The following RPH3A variants were observed in gnomAD, a reference collection of about 807,000 sequenced individuals.
The protein encoded by RPH3A is rabphilin 3A.
A neutral mutation model predicts 102.2 loss-of-function variants in RPH3A; 48 were observed. The ratio of observed to expected loss-of-function variants is 0.47; its 90% CI spans 0.37 to 0.60. The LOEUF is 0.60. RPH3A is among the 20% of genes least tolerant of loss of function. The pLI is 0.00. For missense variants in RPH3A, 781 were observed against 910.1 expected, an observed-to-expected ratio of 0.86 and a Z score of 1.83; for synonymous variants, 310 against 324.3, an observed-to-expected ratio of 0.96 and a Z score of 0.47.
At chr12:112,673,010 C>T (rs1267097201) in intron 1 of RPH3A, among the ~76,000 whole-genome samples, 1 of 152,042 alleles carries the variant, frequency 6.6e-6, no homozygotes, top group Non-Finnish European at 1.5e-5. Context: ...GTATGTCCTA[C>T]ACCAGGTCCT....
In RPH3A at chr12:112,604,948, C is replaced by T. The variant is rs540743563; in HGVS notation, c.-140+29629C>T. On this transcript the variant is annotated intron_variant, in intron 1 of 21. Transcript: ENST00000543106. ...AAGATGGAAACCTTCCGTGACCTAG[C>T]GTCTGAAGTTGTGTATTGTTAATTC... 1.2e-4 allele frequency among the ~76,000 whole-genome samples: 18 copies of T among 152,302 alleles called. No individual in the cohort carries two copies. In the South Asian group the frequency reaches 1.9e-3, roughly 16 times the overall value.
chr12:112,621,515 C>A (rs1378937727), intron 1 of RPH3A, among the ~76,000 whole-genome samples: 1 of 147,054 alleles, frequency 6.8e-6, no homozygotes, highest in African/African-American at 2.6e-5. Flanking sequence ...TAAAAAACGG[C>A]GCACCACGAG....
intron 2 of RPH3A, among the ~76,000 whole-genome samples, chr12:112,817,761 T>C (rs1723185478): frequency 6.6e-6 from 1 of 152,128 alleles, no homozygotes; most frequent in Admixed American, 6.5e-5. Flanking sequence ...CAGCGGGCCT[T>C]AGTGGGGATG....
chr12:112,654,296 A>G (rs2039995745), intron 1 of RPH3A, among the ~76,000 whole-genome samples: 1 of 152,164 alleles, frequency 6.6e-6, no homozygotes, highest in African/African-American at 2.4e-5. Context: ...ATTGCTTTCA[A>G]ACTCTTTAAG....
chr12:112,836,107 GC>G (rs1395541697), intron 3 of RPH3A, among the ~76,000 whole-genome samples: 1 of 152,186 alleles, frequency 6.6e-6, no homozygotes, highest in Non-Finnish European at 1.5e-5. Flanking sequence ...ACTGTTCAGG[GC>G]CGATTGCTCT....
At chr12:112,854,896 C>T (rs1211834105) in intron 5 of RPH3A, among the ~76,000 whole-genome samples, 1 of 152,200 alleles carries the variant, frequency 6.6e-6, no homozygotes, top group African/African-American at 2.4e-5. Context: ...TTCGGGGATT[C>T]AGAGAAGTCA....
At chr12:112,727,835 G>C (rs1019139485) in intron 1 of RPH3A, among the ~76,000 whole-genome samples, 3 of 152,126 alleles carry the variant, frequency 2.0e-5, no homozygotes, top group African/African-American at 7.2e-5. Context: ...GCCAGTTTGA[G>C]CAGGGTTCTT....
chr12:112,698,143 C>T (rs1035352685), intron 1 of RPH3A, among the ~76,000 whole-genome samples: 1 of 152,162 alleles, frequency 6.6e-6, no homozygotes, highest in African/African-American at 2.4e-5. Context: ...GGTGCCAAGA[C>T]AGTCCAATGA....
At chr12:112,642,910 T>A (rs966413250) in intron 1 of RPH3A, among the ~76,000 whole-genome samples, 3 of 152,192 alleles carry the variant, frequency 2.0e-5, no homozygotes, top group African/African-American at 7.2e-5. Flanking sequence ...CTGGAGATAC[T>A]TTTTGGTTGT....
intron 1 of RPH3A, among the ~76,000 whole-genome samples, chr12:112,651,456 A>G (rs1382930955): frequency 6.6e-6 from 1 of 152,124 alleles, no homozygotes; most frequent in African/African-American, 2.4e-5. Context: ...AAACCATTCA[A>G]CATTTTAAAA....
intron 1 of RPH3A, among the ~76,000 whole-genome samples, chr12:112,640,017 G>C (rs1250573233): frequency 6.6e-6 from 1 of 151,922 alleles, no homozygotes; most frequent in African/African-American, 2.4e-5. Context: ...GTGGAGCCGG[G>C]GTTCAAAGCA....
chr12:112,619,783 G>A (rs76766430), intron 1 of RPH3A, among the ~76,000 whole-genome samples: 6,883 of 151,972 alleles, frequency 0.045, 472 homozygotes, highest in African/African-American at 0.16. Context: ...AATAAACATG[G>A]ACATATTTCC....
At chr12:112,741,536 G>A (rs1289884736) in intron 1 of RPH3A, among the ~76,000 whole-genome samples, 2 of 152,116 alleles carry the variant, frequency 1.3e-5, no homozygotes, top group Non-Finnish European at 2.9e-5. Context: ...GTGAGCTTTC[G>A]ACCCCCATGT....
chr12:112,877,369 C>T (rs186140200), intron 13 of RPH3A, among the ~76,000 whole-genome samples: 1 of 150,374 alleles, frequency 6.7e-6, no homozygotes, highest in African/African-American at 2.5e-5. Context: ...CTATCCCACC[C>T]AGGCCCCAAG....
chr12:112,723,128 G>A (rs1243793073), intron 1 of RPH3A, among the ~76,000 whole-genome samples: 1 of 152,076 alleles, frequency 6.6e-6, no homozygotes, highest in African/African-American at 2.4e-5. Flanking sequence ...ATATACAGTT[G>A]GCCCTTGAGC....
At chr12:112,683,344 C>T (rs2040239930) in intron 1 of RPH3A, among the ~76,000 whole-genome samples, 1 of 152,108 alleles carries the variant, frequency 6.6e-6, no homozygotes, top group Non-Finnish European at 1.5e-5. Flanking sequence ...TGTCACAAAC[C>T]CCACAGCCAC....
intron 4 of RPH3A, 77 bp from the exon 5 acceptor site, chr12:112,847,619 C>G: frequency 6.7e-7 from 1 of 1,503,116 alleles, no homozygotes; most frequent in Admixed American, 1.8e-5. Context: ...CACAGTTTCC[C>G]AGACAGTGAG....
At chr12:112,861,255 C>G (rs1179842105) in intron 5 of RPH3A, among the ~76,000 whole-genome samples, 1 of 152,160 alleles carries the variant, frequency 6.6e-6, no homozygotes, top group South Asian at 2.1e-4. Flanking sequence ...TCCAGAGAGG[C>G]AAAAGTCCAG....
intron 5 of RPH3A, among the ~76,000 whole-genome samples, chr12:112,860,671 T>C (rs1242086230): frequency 6.6e-6 from 1 of 152,242 alleles, no homozygotes. Flanking sequence ...GGCAGGAGGC[T>C]GTGGGGATTC....
Sources: allele counts gnomAD v4.1 joint callset (sites outside exome capture counted in the v4.1 genomes callset), GRCh38; gene constraint gnomAD v4.1.1; transcripts MANE v1.5; gene names NCBI Gene and HGNC (gene_info 2026-07-23, HGNC 2026-07-21).